The following PRSS27 variants were observed in gnomAD, a reference collection of about 807,000 sequenced individuals.
PRSS27 encodes the protein serine protease 27.
In PRSS27, 25 loss-of-function variants were observed where a neutral mutation model predicts 32.0. That is an observed-to-expected ratio of 0.78 (90% CI 0.57 to 1.09). PRSS27 has a LOEUF of 1.09. Among genes scored for constraint, PRSS27 ranks in the 50% least tolerant of loss-of-function variants. The pLI, the probability that PRSS27 is intolerant of heterozygous loss-of-function variation, is 0.00. For missense variants in PRSS27, 401 were observed against 394.9 expected, an observed-to-expected ratio of 1.02 and a Z score of -0.13; for synonymous variants, 178 against 172.2, an observed-to-expected ratio of 1.03 and a Z score of -0.26.
intron 3 of PRSS27, chr16:2,715,090 G>A (rs1162624538): frequency 6.6e-6 from 1 of 152,024 alleles, no homozygotes; most frequent in African/African-American, 2.4e-5. Flanking sequence ...TTAAGATGTG[G>A]GGTTTTTTTT....
At chr16:2,716,238 GC>G (rs1235718677) in intron 2 of PRSS27, 14 of 582,264 alleles carry the variant, frequency 2.4e-5, no homozygotes, top group Non-Finnish European at 4.3e-5. Context: ...CCCAGAGGGG[GC>G]CAGTCACGGT....
intron 1 of PRSS27, chr16:2,716,802 A>T: frequency 1.9e-6 from 1 of 523,938 alleles, no homozygotes; most frequent in South Asian, 2.7e-5. Context: ...CAGTGAAGGG[A>T]TCCCCAGGCT....
intron 1 of PRSS27, 157 bp from the exon 2 acceptor site, chr16:2,716,683 T>C (rs189918505): frequency 2.8e-4 from 198 of 715,984 alleles, no homozygotes; most frequent in Non-Finnish European, 3.9e-4. Flanking sequence ...GGCCTGCAGT[T>C]TCCCCCCCAG....
At chr16:2,713,730 C>A (rs370304399) in intron 4 of PRSS27, 32 bp from the exon 5 acceptor site, 1 of 1,608,034 alleles carries the variant, frequency 6.2e-7, no homozygotes, top group African/African-American at 1.3e-5. Context: ...CAGGGCTCAA[C>A]GGACTTCCTC....
chr16:2,713,724 G>A lies in PRSS27; in HGVS notation c.509-26C>T, dbSNP rs1412827194. The A allele has an allele frequency of 2.5e-6, 4 of 1,610,138 alleles. No individual in the cohort carries two copies. In the African/African-American group the frequency reaches 4.0e-5, roughly 16 times the overall value. On this transcript the variant is annotated intron_variant, in intron 4 of 5. Transcript: ENST00000302641. The stretch of plus-strand genomic sequence containing the variant: ...CTGGAGAGGGGCGGAACAGCCCAGG[G>A]CTCAACGGACTTCCTCATCAAGAAC...
chr16:2,713,408 C>T (rs755901645), intron 5 of PRSS27, 121 bp downstream of exon 5: 84 of 1,116,868 alleles, frequency 7.5e-5, no homozygotes, highest in Non-Finnish European at 1.1e-4. Context: ...CTGGAATCTG[C>T]CTTTTCAAAA....
intron 4 of PRSS27, 152 bp downstream of exon 4, chr16:2,713,913 C>T: frequency 2.9e-6 from 3 of 1,018,462 alleles, no homozygotes; most frequent in Non-Finnish European, 4.4e-6. Flanking sequence ...TCTGGGTCTG[C>T]TGCTGCTCCC....
intron 3 of PRSS27, chr16:2,715,470 G>T (rs1175541083): frequency 2.1e-6 from 1 of 485,326 alleles, no homozygotes; most frequent in Admixed American, 4.2e-5. Context: ...GGGTGAGTGG[G>T]TGGAGGGGAT....
rs966767371 is a variant in PRSS27, at chr16:2,717,114, T to G, written c.47-588A>C. ...CAGGGGAGTAGAGAAGGTACAGTGGTCTGCATTGGCCACCAGGGATCAGCC... is the reference window on the plus strand; with the variant it reads ...CAGGGGAGTAGAGAAGGTACAGTGGGCTGCATTGGCCACCAGGGATCAGCC... On this transcript the variant is annotated intron_variant, in intron 1 of 5. Coordinates refer to ENST00000302641, the MANE Select transcript of PRSS27 (RefSeq NM_031948.5). The surrounding 1 kb of genome is among the most constrained non-coding windows in gnomAD (Gnocchi z 4.1). 4 of 154,092 alleles carry G rather than the reference T, an allele frequency of 2.6e-5. No individual in the cohort carries two copies. The highest frequency in any genetic ancestry group is 9.7e-5 in the African/African-American group (4 of 41,434). 9.5% of individuals were successfully genotyped at this position (154,092 alleles called of 1,614,324 possible). A position where few individuals can be genotyped will look rare whatever the true frequency, so the allele number is the denominator to read the frequency against.
At chr16:2,713,433 G>A (rs1002897891) in intron 5 of PRSS27, 96 bp downstream of exon 5, 2 of 1,294,276 alleles carry the variant, frequency 1.5e-6, no homozygotes, top group East Asian at 4.6e-5. Context: ...CTGCTCAGCT[G>A]GTTGAATGCA....
Position 2,712,831 on chromosome 16 carries a change from G to A in PRSS27, c.679-17C>T. 2 of 1,514,240 alleles carry A rather than the reference G, an allele frequency of 1.3e-6. No homozygotes were observed. The highest frequency in any genetic ancestry group is 1.8e-6 in the Non-Finnish European group (2 of 1,128,658). 93.8% of individuals were successfully genotyped at this position (1,514,240 alleles called of 1,614,324 possible). A position where few individuals can be genotyped will look rare whatever the true frequency, so the allele number is the denominator to read the frequency against. On this transcript the variant is annotated splice_polypyrimidine_tract_variant and intron_variant, in intron 5 of 5. Coordinates refer to ENST00000302641, the MANE Select transcript of PRSS27 (RefSeq NM_031948.5). The surrounding 1 kb of genome is among the most constrained non-coding windows in gnomAD (Gnocchi z 4.6). ...CGAGTCGCCCTGCGGGGGACGCAGA[G>A]TCACCGTCAGAGCCCACCTTGAGTT...
chr16:2,719,917 C>T (rs2067724769), intron 1 of PRSS27, among the ~76,000 whole-genome samples, 198 bp downstream of exon 1: 1 of 152,158 alleles, frequency 6.6e-6, no homozygotes, highest in African/African-American at 2.4e-5. Context: ...CGCACACCTC[C>T]CACCCTGCCT....
At chr16:2,713,260 G>T (rs1265732119) in intron 5 of PRSS27, 6 of 479,536 alleles carry the variant, frequency 1.3e-5, no homozygotes, top group South Asian at 2.0e-5. Flanking sequence ...CACCACGCCT[G>T]GCTAATTTTT....
chr16:2,713,662 G>A lies in PRSS27; in HGVS notation c.545C>T (p.Ala182Val). The A allele has an allele frequency of 6.2e-7, 1 of 1,614,232 alleles. No individual in the cohort carries two copies. The highest frequency in any genetic ancestry group is 8.5e-7 in the Non-Finnish European group (1 of 1,180,034). Residue 182 changes from alanine to valine, a missense_variant, in exon 5 of 6, where the codon GCT (alanine) becomes GTT (valine). By Grantham distance (64) the Ala-to-Val change is moderately conservative. Transcript: ENST00000302641. ...LPEPRILQKL[A>V]VPIIDTPKCN... ...CTTGGGTGTGTCGATGATGGGCACA[G>A]CGAGTTTCTGCAGGATCCGCGGTTC...
At position 2,720,155 on chromosome 16, in the gene PRSS27, C is replaced by T. The variant is rs2067726850; in HGVS notation, c.6G>A (p.Arg2=). M[R]RPAAVPLLLL... ...GCAGGAGCGGCACCGCCGCCGGCCG[C>T]CTCATGTCCTCAGGCCTGGCTGGGG... Residue 2 remains arginine (R), a synonymous_variant, in exon 1 of 6, where the codon AGG becomes AGA. Transcript: ENST00000302641. The T allele has an allele frequency of 6.3e-7, 1 of 1,599,198 alleles. No individual in the cohort carries two copies.
chr16:2,713,077 G>A, intron 5 of PRSS27: 1 of 535,338 alleles, frequency 1.9e-6, no homozygotes, highest in Non-Finnish European at 3.3e-6. Context: ...TCCTTCTGGG[G>A]TGGGGTCCAG....
chr16:2,713,833 G>T (rs976866072), intron 4 of PRSS27, 135 bp from the exon 5 acceptor site: 27 of 1,062,914 alleles, frequency 2.5e-5, no homozygotes, highest in Non-Finnish European at 3.6e-5. Context: ...CTGTGGGGCA[G>T]ACATCCTCCC....
chr16:2,714,071 C>T lies in PRSS27; in HGVS notation c.502G>A (p.Glu168Lys). Residue 168 changes from glutamate to lysine, a missense_variant, in exon 4 of 6, where the codon GAG becomes AAG. Glu to Lys is a moderately conservative substitution (Grantham distance 56). Coordinates refer to ENST00000302641, the MANE Select transcript of PRSS27 (RefSeq NM_031948.5). This position sits in a 1 kb window ranked among gnomAD's most constrained non-coding sequence, Gnocchi z 4.7. ...CCCAGCCCTGTCCCCTTACCTTCCTCACTGGGGCTGCCCCAGCCAGTGACC... is the reference window on the plus strand; with the variant it reads ...CCCAGCCCTGTCCCCTTACCTTCCTTACTGGGGCTGCCCCAGCCAGTGACC... ...CWVTGWGSPS[E>K]EDLLPEPRIL... 6.2e-7 allele frequency: 1 copy of T among 1,607,500 alleles called. No homozygotes were observed. The highest frequency in any genetic ancestry group is 8.5e-7 in the Non-Finnish European group (1 of 1,176,022).
chr16:2,720,172 TG>T lies in PRSS27; in HGVS notation c.-13del. 6.3e-7 allele frequency: 1 copy of T among 1,591,088 alleles called. No homozygotes were observed. On this transcript the variant is annotated 5_prime_UTR_variant, in exon 1 of 6. Transcript: ENST00000302641. ...GCCGGCCGCCTCATGTCCTCAGGCC[TG>T]GCTGGGGCGCAGGGCCGTGGTCGGC...
Sources: allele counts gnomAD v4.1 joint callset (sites outside exome capture counted in the v4.1 genomes callset), GRCh38; gene constraint gnomAD v4.1.1; non-coding constraint Gnocchi (gnomAD v3.1); transcripts MANE v1.5; gene names NCBI Gene and HGNC (gene_info 2026-07-23, HGNC 2026-07-21).